RIPOR3: variants seen among roughly 807,000 people sequenced by gnomAD.
RIPOR3 encodes the protein RIPOR family member 3, also known as family with sequence similarity 65 member C.
RIPOR3 carries 95 observed loss-of-function variants against 114.3 expected under a neutral mutation model. The ratio of observed to expected loss-of-function variants is 0.83; its 90% CI spans 0.70 to 0.99. The LOEUF is 0.99. RIPOR3 is among the 50% of genes least tolerant of loss of function. The probability of loss-of-function intolerance (pLI) is 0.00; values close to 1 mark genes in which losing one functional copy is unlikely to be tolerated. For synonymous variants in RIPOR3, 575 were observed against 543.8 expected, an observed-to-expected ratio of 1.06 and a Z score of -0.80; for missense variants, 1,252 against 1,266.9, an observed-to-expected ratio of 0.99 and a Z score of 0.18.
chr20:50,588,297 A>G (rs1568808765), intron 20 of RIPOR3, among the ~76,000 whole-genome samples: 1 of 152,260 alleles, frequency 6.6e-6, no homozygotes, highest in African/African-American at 2.4e-5. Context: ...CCTGCAGGCC[A>G]AGGACCGGCA....
At chr20:50,611,511 G>A (rs1051764252) in intron 4 of RIPOR3, among the ~76,000 whole-genome samples, 9 of 152,286 alleles carry the variant, frequency 5.9e-5, no homozygotes, top group Middle Eastern at 3.4e-3. Flanking sequence ...TGTAAAGCAG[G>A]GTAGGAGAAG....
chr20:50,596,396 A>T, intron 14 of RIPOR3, 133 bp from the exon 15 acceptor site: 2 of 1,293,882 alleles, frequency 1.5e-6, no homozygotes, highest in Non-Finnish European at 1.1e-6. Flanking sequence ...TCAACTGAAG[A>T]GGAAGGGGAA....
chr20:50,661,448 T>C (rs946585628), intron 1 of RIPOR3, among the ~76,000 whole-genome samples: 3 of 152,068 alleles, frequency 2.0e-5, no homozygotes, highest in Non-Finnish European at 4.4e-5. Context: ...TAACCTGAAA[T>C]TGGTAGAGTA....
In RIPOR3 at chr20:50,608,374, C is replaced by G; in HGVS notation, c.956+15G>C. Reference sequence around the variant, plus strand: ...CAGCCAGGCCTCCGCTCTCCCCAGGCTGGACGGGACTCACTTCCACTGCAC... The same window carrying G: ...CAGCCAGGCCTCCGCTCTCCCCAGGGTGGACGGGACTCACTTCCACTGCAC... On this transcript the variant is annotated intron_variant, in intron 11 of 21. Transcript: ENST00000327979. 6.2e-7 allele frequency: 1 copy of G among 1,613,708 alleles called. No individual in the cohort carries two copies.
At chr20:50,649,127 C>T (rs6020666) in intron 1 of RIPOR3, among the ~76,000 whole-genome samples, 27,377 of 152,144 alleles carry the variant, frequency 0.18, 2,689 homozygotes, top group African/African-American at 0.27. Context: ...CACAGCTCTT[C>T]CTCTTCTTAT....
chr20:50,596,568 G>C (rs565797597), intron 14 of RIPOR3, among the ~76,000 whole-genome samples: 1 of 152,298 alleles, frequency 6.6e-6, no homozygotes, highest in African/African-American at 2.4e-5. Context: ...CCTCCCCAAG[G>C]CTCAGGTGAC....
intron 11 of RIPOR3, among the ~76,000 whole-genome samples, chr20:50,607,099 TTTG>T (rs2083751086): frequency 6.6e-6 from 1 of 152,198 alleles, no homozygotes; most frequent in African/African-American, 2.4e-5. Context: ...TTTTCTGCAT[TTTG>T]TTCAAGTCTT....
At chr20:50,621,676 G>C (rs1418707863) in intron 2 of RIPOR3, among the ~76,000 whole-genome samples, 1 of 152,094 alleles carries the variant, frequency 6.6e-6, no homozygotes, top group Non-Finnish European at 1.5e-5. Context: ...AGGGAAACTG[G>C]GGCCAACACA....
At chr20:50,598,150 A>G (rs113026996) in intron 13 of RIPOR3, among the ~76,000 whole-genome samples, 4 of 152,238 alleles carry the variant, frequency 2.6e-5, no homozygotes, top group African/African-American at 4.8e-5. Context: ...TTGAAATACC[A>G]ACAACAAATT....
chr20:50,594,835 G>A, intron 16 of RIPOR3, 121 bp from the exon 17 acceptor site: 1 of 1,156,252 alleles, frequency 8.6e-7, no homozygotes, highest in South Asian at 1.6e-5. Flanking sequence ...GTGGCTTGAT[G>A]CGAGGTCCCT....
chr20:50,606,192 C>T (rs996571135), intron 11 of RIPOR3, among the ~76,000 whole-genome samples: 5 of 152,140 alleles, frequency 3.3e-5, no homozygotes, highest in East Asian at 1.9e-4. Context: ...GGCGACAGAG[C>T]GAGACTCTGT....
chr20:50,644,763 C>A (rs1014886557), intron 1 of RIPOR3, among the ~76,000 whole-genome samples: 2 of 141,894 alleles, frequency 1.4e-5, no homozygotes, highest in Non-Finnish European at 3.0e-5. Context: ...CTCAAGCGAT[C>A]CTCAACCTCA....
intron 4 of RIPOR3, among the ~76,000 whole-genome samples, chr20:50,615,524 C>CAAAAAA (rs11474316): frequency 1.7e-5 from 1 of 58,366 alleles, no homozygotes; most frequent in African/African-American, 6.0e-5. Context: ...AATCCTGTCT[C>CAAAAAA]AAAAAAAAAA....
intron 1 of RIPOR3, among the ~76,000 whole-genome samples, chr20:50,651,633 C>T (rs957153448): frequency 3.9e-5 from 6 of 152,216 alleles, no homozygotes; most frequent in Admixed American, 3.9e-4. Flanking sequence ...GTTGTCCACA[C>T]TCCCTTCCTC....
chr20:50,641,009 A>C (rs2085171488), intron 1 of RIPOR3, among the ~76,000 whole-genome samples: 1 of 150,344 alleles, frequency 6.7e-6, no homozygotes, highest in Admixed American at 6.7e-5. Context: ...TCCTGGGTTC[A>C]AGCAATTCTC....
intron 1 of RIPOR3, among the ~76,000 whole-genome samples, chr20:50,661,864 A>G (rs2086008211): frequency 6.6e-6 from 1 of 152,170 alleles, no homozygotes; most frequent in African/African-American, 2.4e-5. Context: ...CCGTGGGAGG[A>G]ATCACATTCA....
chr20:50,619,756 T>A (rs1464017316), intron 3 of RIPOR3, among the ~76,000 whole-genome samples: 1 of 152,236 alleles, frequency 6.6e-6, no homozygotes, highest in Admixed American at 6.5e-5. Flanking sequence ...CAGTGCGTGC[T>A]CCACAAGATC....
At chr20:50,622,285 G>A (rs186967672) in intron 2 of RIPOR3, among the ~76,000 whole-genome samples, 6 of 151,502 alleles carry the variant, frequency 4.0e-5, no homozygotes, top group South Asian at 2.1e-4. Flanking sequence ...GGGTTCAAGC[G>A]ATTCTCCTGC....
At chr20:50,670,030 G>A (rs1475596284) in intron 1 of RIPOR3, among the ~76,000 whole-genome samples, 2 of 144,918 alleles carry the variant, frequency 1.4e-5, no homozygotes, top group African/African-American at 2.5e-5. Context: ...GGTGGCAGGC[G>A]CCTGTAATCC....
Sources: allele counts gnomAD v4.1 joint callset (sites outside exome capture counted in the v4.1 genomes callset), GRCh38; gene constraint gnomAD v4.1.1; transcripts MANE v1.5; gene names NCBI Gene and HGNC (gene_info 2026-07-23, HGNC 2026-07-21).